RBFOX3: variants seen among roughly 807,000 people sequenced by gnomAD.
RBFOX3 encodes the protein RNA binding fox-1 homolog 3, also known as RNA binding protein fox-1 homolog 3.
In RBFOX3, 17 loss-of-function variants were observed where a neutral mutation model predicts 48.7. That is an observed-to-expected ratio of 0.35 (90% CI 0.24 to 0.52). The LOEUF (loss-of-function observed/expected upper bound fraction) is 0.52. Ranked by LOEUF, RBFOX3 falls within the 20% of genes least tolerant of loss-of-function variation. The probability of loss-of-function intolerance (pLI) is 0.94; values close to 1 mark genes in which losing one functional copy is unlikely to be tolerated. For synonymous variants in RBFOX3, 212 were observed against 209.5 expected (o/e 1.01, Z -0.10); for missense variants, 382 against 497.5 (o/e 0.77, Z 2.21).
intron 2 of RBFOX3, among the ~76,000 whole-genome samples, chr17:79,340,383 C>T (rs1036838887): frequency 2.0e-5 from 3 of 152,152 alleles, no homozygotes; most frequent in African/African-American, 4.8e-5. Flanking sequence ...AGCTGCCTTC[C>T]GCAAGCCCCA....
intron 2 of RBFOX3, among the ~76,000 whole-genome samples, chr17:79,434,840 C>A (rs965444937): frequency 6.6e-6 from 1 of 152,076 alleles, no homozygotes; most frequent in African/African-American, 2.4e-5. Flanking sequence ...GACTCCGGGG[C>A]TACGGGGAAT....
At chr17:79,489,344 G>T (rs1397839626) in intron 1 of RBFOX3, among the ~76,000 whole-genome samples, 1 of 151,786 alleles carries the variant, frequency 6.6e-6, no homozygotes, top group Non-Finnish European at 1.5e-5. Context: ...ACCCAGGCTG[G>T]AGTGCAGTAA....
chr17:79,187,490 C>A (rs1227717189), intron 4 of RBFOX3, among the ~76,000 whole-genome samples: 2 of 152,192 alleles, frequency 1.3e-5, no homozygotes, highest in Admixed American at 6.5e-5. Flanking sequence ...CAGAGCCAGA[C>A]CTTCCTGCCC....
At position 79,097,384 on chromosome 17, in the gene RBFOX3, G is replaced by A. The variant is rs2075537540; in HGVS notation, c.663C>T (p.Ala221=). ...FPYPTTGTAV[A]YRGAHLRGRG... ...GGCCCCGAAGATGTGCGCCCCGGTA[G>A]GCAACGGCTGTGCCGGTGGTGGGGT... Residue 221 remains alanine (A), a synonymous_variant, in exon 11 of 15, where the codon GCC becomes GCT. Transcript: ENST00000693108. 3.9e-6 allele frequency: 6 copies of A among 1,548,394 alleles called. No homozygotes were observed. The highest frequency in any genetic ancestry group is 4.4e-6 in the Non-Finnish European group (5 of 1,146,170).
chr17:79,472,890 T>G (rs1236199973), intron 2 of RBFOX3, among the ~76,000 whole-genome samples: 3 of 152,244 alleles, frequency 2.0e-5, no homozygotes, highest in Non-Finnish European at 4.4e-5. Flanking sequence ...CAATTCATTC[T>G]GGACCTACAT....
At chr17:79,558,568 G>A (rs2091948985) in intron 1 of RBFOX3, among the ~76,000 whole-genome samples, 2 of 152,088 alleles carry the variant, frequency 1.3e-5, no homozygotes, top group South Asian at 2.1e-4. Flanking sequence ...CCTCCAAGGT[G>A]GCTTCGGGCC....
intron 4 of RBFOX3, among the ~76,000 whole-genome samples, chr17:79,168,434 C>A (rs980962259): frequency 1.3e-5 from 2 of 152,280 alleles, no homozygotes; most frequent in African/African-American, 4.8e-5. Flanking sequence ...TTAGCAATTT[C>A]TCTTCCTGAT....
chr17:79,467,693 C>T (rs1370524191), intron 2 of RBFOX3, among the ~76,000 whole-genome samples: 3 of 152,170 alleles, frequency 2.0e-5, no homozygotes, highest in Non-Finnish European at 4.4e-5. Flanking sequence ...TGCCAGCGTC[C>T]CTGGAACGTG....
chr17:79,320,560 C>T (rs892616181), intron 2 of RBFOX3, among the ~76,000 whole-genome samples: 1 of 152,212 alleles, frequency 6.6e-6, no homozygotes, highest in Non-Finnish European at 1.5e-5. Context: ...GCAAACCCTG[C>T]CCATATCTAA....
At chr17:79,375,858 G>T (rs899727777) in intron 2 of RBFOX3, among the ~76,000 whole-genome samples, 1 of 152,178 alleles carries the variant, frequency 6.6e-6, no homozygotes, top group African/African-American at 2.4e-5. Flanking sequence ...TCCTGGCCCT[G>T]CCCCACACCA....
At chr17:79,652,922 C>G in the RBFOX3 span, among the ~76,000 whole-genome samples, 1 of 151,930 alleles carries the variant, frequency 6.6e-6, no homozygotes, top group East Asian at 1.9e-4. Flanking sequence ...TTCAGAACAC[C>G]AAGGATAAAA....
chr17:79,550,425 G>C (rs1263328042), intron 1 of RBFOX3, among the ~76,000 whole-genome samples: 1 of 146,796 alleles, frequency 6.8e-6, no homozygotes, highest in African/African-American at 2.5e-5. Flanking sequence ...CCAGATGCAG[G>C]TCCACAAGCT....
chr17:79,524,175 C>A (rs1156618098), intron 1 of RBFOX3, among the ~76,000 whole-genome samples: 2 of 152,204 alleles, frequency 1.3e-5, no homozygotes, highest in African/African-American at 4.8e-5. Flanking sequence ...ATAAAATAAT[C>A]CTGCTCCCCA....
chr17:79,456,374 G>A (rs986824662), intron 2 of RBFOX3, among the ~76,000 whole-genome samples: 6 of 151,856 alleles, frequency 4.0e-5, no homozygotes, highest in Non-Finnish European at 7.4e-5. Flanking sequence ...CCCGTGTGCT[G>A]TAGGATGTTT....
chr17:79,244,395 T>C (rs1321120439), intron 3 of RBFOX3, among the ~76,000 whole-genome samples: 1 of 152,168 alleles, frequency 6.6e-6, no homozygotes, highest in Non-Finnish European at 1.5e-5. Flanking sequence ...AGGCTCCATC[T>C]CCAGAGCAGT....
At chr17:79,148,300 C>T (rs535931638) in intron 4 of RBFOX3, among the ~76,000 whole-genome samples, 21 of 152,372 alleles carry the variant, frequency 1.4e-4, no homozygotes, top group African/African-American at 4.3e-4. Context: ...TCGGCTGCCT[C>T]CTGCAGGCCT....
At chr17:79,193,200 A>G (rs1029972149) in intron 4 of RBFOX3, among the ~76,000 whole-genome samples, 2 of 152,106 alleles carry the variant, frequency 1.3e-5, no homozygotes, top group African/African-American at 4.8e-5. Flanking sequence ...CCGTGTTGCA[A>G]TTTGGGAGGC....
chr17:79,559,156 G>A (rs911213738), intron 1 of RBFOX3, among the ~76,000 whole-genome samples: 66 of 152,324 alleles, frequency 4.3e-4, no homozygotes, highest in Admixed American at 1.4e-3. Flanking sequence ...GAGGATGGGA[G>A]GGGCGGGGGT....
At chr17:79,452,997 C>T (rs2073821978) in intron 2 of RBFOX3, among the ~76,000 whole-genome samples, 1 of 152,194 alleles carries the variant, frequency 6.6e-6, no homozygotes, top group Non-Finnish European at 1.5e-5. Flanking sequence ...CACATGGCTT[C>T]ATCTCTCCAG....
Sources: allele counts gnomAD v4.1 joint callset (sites outside exome capture counted in the v4.1 genomes callset), GRCh38; gene constraint gnomAD v4.1.1; transcripts MANE v1.5; gene names NCBI Gene and HGNC (gene_info 2026-07-23, HGNC 2026-07-21).